The following ANKFN1 variants were observed in gnomAD, a reference collection of about 807,000 sequenced individuals.
ANKFN1 encodes ankyrin repeat and fibronectin type-III domain-containing protein 1.
A neutral mutation model predicts 108.7 loss-of-function variants in ANKFN1; 74 were observed. That is an observed-to-expected ratio of 0.68 (90% CI 0.56 to 0.83). The LOEUF is 0.83. Ranked by LOEUF, ANKFN1 falls within the 40% of genes least tolerant of loss-of-function variation. The probability of loss-of-function intolerance (pLI) is 0.00; values close to 1 mark genes in which losing one functional copy is unlikely to be tolerated. For synonymous variants in ANKFN1, 547 were observed against 516.2 expected (o/e 1.06, Z -0.81); for missense variants, 1,505 against 1,382.3 (o/e 1.09, Z -1.41).
At chr17:56,502,181 CCTGT>C (rs937034665) in intron 20 of ANKFN1, among the ~76,000 whole-genome samples, 7 of 152,174 alleles carry the variant, frequency 4.6e-5, no homozygotes, top group African/African-American at 1.7e-4. Flanking sequence ...CTTCGCAGCC[CCTGT>C]CTGCCCTCTC....
At chr17:56,348,290 T>C (rs886205738) in intron 4 of ANKFN1, among the ~76,000 whole-genome samples, 3 of 152,276 alleles carry the variant, frequency 2.0e-5, no homozygotes, top group African/African-American at 7.2e-5. Flanking sequence ...CTTGGCATCA[T>C]CCTTCCAAAT....
At chr17:56,467,999 G>C (rs1289958637) in intron 15 of ANKFN1, among the ~76,000 whole-genome samples, 1 of 152,140 alleles carries the variant, frequency 6.6e-6, no homozygotes, top group Non-Finnish European at 1.5e-5. Flanking sequence ...AGGGACCCTA[G>C]CAGCTTTGCT....
At chr17:56,146,754 A>G (rs1053241335) in intron 4 of ANKFN1, among the ~76,000 whole-genome samples, 5 of 152,176 alleles carry the variant, frequency 3.3e-5, no homozygotes, top group African/African-American at 1.2e-4. Flanking sequence ...CTGGCCTCCA[A>G]GGCTGTGATA....
intron 18 of ANKFN1, among the ~76,000 whole-genome samples, chr17:56,487,648 G>C (rs1433555163): frequency 2.0e-5 from 3 of 152,084 alleles, no homozygotes; most frequent in Non-Finnish European, 4.4e-5. Context: ...CATTAATAAG[G>C]CACCATCTGC....
At chr17:56,476,805 A>AAT (rs2050515741) in intron 15 of ANKFN1, among the ~76,000 whole-genome samples, 1 of 152,228 alleles carries the variant, frequency 6.6e-6, no homozygotes, top group African/African-American at 2.4e-5. Flanking sequence ...GTAAAAGTCA[A>AAT]ATATAAGTAG....
intron 1 of ANKFN1, among the ~76,000 whole-genome samples, chr17:56,170,843 C>CACACACACACACAT (rs1555604591): frequency 1.5e-5 from 2 of 133,888 alleles, no homozygotes; most frequent in Non-Finnish European, 3.1e-5. Flanking sequence ...CATATACACA[C>CACACACACACACAT]ATATATATAT....
At chr17:56,448,372 T>C (rs186779520) in intron 10 of ANKFN1, among the ~76,000 whole-genome samples, 59 of 152,236 alleles carry the variant, frequency 3.9e-4, no homozygotes, top group African/African-American at 1.3e-3. Flanking sequence ...TCATTATAGC[T>C]AAACGGAATG....
rs534092019 is a variant in ANKFN1, at chr17:56,102,574, A to G, written c.288+56249A>G. Among the ~76,000 whole-genome samples the G allele has an allele frequency of 1.2e-4, 19 of 152,136 alleles. No homozygotes were observed. The South Asian group carries it at 3.7e-3, about 30-fold the overall frequency. On this transcript the variant is annotated intron_variant, in intron 4 of 12. Transcript: ENST00000635860. ...ATGAAGCAGTGGCTCTCAAACAGGG[A>G]CAAGCATTAGAATCCACTGGGGGAG...
chr17:56,456,731 C>A, intron 11 of ANKFN1, 130 bp from the exon 12 acceptor site: 1 of 728,790 alleles, frequency 1.4e-6, no homozygotes, highest in Non-Finnish European at 2.4e-6. Context: ...GAGCAGAATC[C>A]CTACATGAAC....
intron 14 of ANKFN1, among the ~76,000 whole-genome samples, chr17:56,461,126 C>T (rs1417298692): frequency 6.6e-6 from 1 of 152,178 alleles, no homozygotes; most frequent in Non-Finnish European, 1.5e-5. Context: ...TTCTCGCAAA[C>T]TTTCTAAAGA....
chr17:56,296,409 C>T (rs1437022645), intron 3 of ANKFN1, among the ~76,000 whole-genome samples: 1 of 152,062 alleles, frequency 6.6e-6, no homozygotes, highest in Non-Finnish European at 1.5e-5. Flanking sequence ...GTGGGTCAGG[C>T]GAGGTGGCTC....
At chr17:56,361,616 C>G (rs1266784397) in intron 6 of ANKFN1, among the ~76,000 whole-genome samples, 2 of 151,912 alleles carry the variant, frequency 1.3e-5, no homozygotes, top group Non-Finnish European at 2.9e-5. Context: ...GTAATAATTA[C>G]CCCCAAACAG....
chr17:56,193,257 AG>A (rs1385082176), intron 1 of ANKFN1, among the ~76,000 whole-genome samples: 3 of 93,986 alleles, frequency 3.2e-5, no homozygotes, highest in Non-Finnish European at 6.3e-5. Flanking sequence ...TGTGGTGGGG[AG>A]GGGGGAGGGG....
In ANKFN1 at chr17:56,510,749, C is replaced by T. The variant is rs1239885642; in HGVS notation, c.2921C>T (p.Thr974Ile). Residue 974 changes from threonine (T) to isoleucine (I), a missense_variant, in exon 21 of 21, where the codon ACC becomes ATC. Thr to Ile is a moderately conservative substitution (Grantham distance 89, BLOSUM62 -1). Coordinates refer to ENST00000682825, the MANE Select transcript of ANKFN1 (RefSeq NM_001370326.1). ...TGTGCCGAGTTTCTCCATAGCCTGA[C>T]CCTCACGGGGTTCACACCCAAGAAC... The part of the protein sequence containing the change: ...HSCAEFLHSL[T>I]LTGFTPKNHA... 2.0e-6 allele frequency: 3 copies of T among 1,536,160 alleles called. No homozygotes were observed. Among genetic ancestry groups the T allele is most frequent in the East Asian group, 2.4e-5 (1 of 40,894 alleles).
At chr17:56,263,285 A>G (rs1489176264) in intron 3 of ANKFN1, among the ~76,000 whole-genome samples, 1 of 152,234 alleles carries the variant, frequency 6.6e-6, no homozygotes, top group East Asian at 1.9e-4. Flanking sequence ...ATTAGGGAGC[A>G]GGCTAATTAT....
Position 56,511,114 on chromosome 17 carries a change from GC to G in ANKFN1, c.3287del (p.Ala1096GlufsTer15). Reference sequence around the variant, plus strand: ...CCGCCGCCTCTACGTGGAGCCCTACGCAGCGGCCGTGGTGGCCCAGGACGAA... The same window carrying G: ...CCGCCGCCTCTACGTGGAGCCCTACGAGCGGCCGTGGTGGCCCAGGACGAA... ...SVRRLYVEPY[A>X]AAVVAQDEKP... is the part of the protein sequence containing the mutation. On this transcript the variant is annotated frameshift_variant, in exon 21 of 21. Coordinates refer to ENST00000682825, the MANE Select transcript of ANKFN1 (RefSeq NM_001370326.1). LOFTEE classifies it low-confidence loss of function (END_TRUNC). The G allele has an allele frequency of 6.5e-7, 1 of 1,535,990 alleles. No individual in the cohort carries two copies. The highest frequency in any genetic ancestry group is 1.2e-5 in the South Asian group (1 of 84,056).
At chr17:56,506,169 C>T (rs1435848523) in intron 20 of ANKFN1, among the ~76,000 whole-genome samples, 4 of 151,136 alleles carry the variant, frequency 2.6e-5, no homozygotes, top group East Asian at 1.9e-4. Flanking sequence ...CCCATTAACT[C>T]GTCATTTATA....
rs2145375572 is a variant in ANKFN1 at position 56,482,354 on chromosome 17, A to C, written c.2092-2A>C. On this transcript the variant is annotated splice_acceptor_variant, in intron 17 of 20. Coordinates refer to ENST00000682825, the MANE Select transcript of ANKFN1 (RefSeq NM_001370326.1). LOFTEE classifies it high-confidence loss of function. ...TTTTCCTCCGCGCGTGTCCCTCTGC[A>C]GGCAAGGAACTTCCGCCTCTACACA... 6.3e-7 allele frequency: 1 copy of C among 1,593,952 alleles called. No individual in the cohort carries two copies. The highest frequency in any genetic ancestry group is 8.6e-7 in the Non-Finnish European group (1 of 1,168,812).
intron 1 of ANKFN1, among the ~76,000 whole-genome samples, chr17:56,202,239 C>T (rs1914128761): frequency 6.6e-6 from 1 of 152,186 alleles, no homozygotes; most frequent in Non-Finnish European, 1.5e-5. Flanking sequence ...AATAGTATCA[C>T]ATCCAAGAGT....
Sources: allele counts gnomAD v4.1 joint callset (sites outside exome capture counted in the v4.1 genomes callset), GRCh38; gene constraint gnomAD v4.1.1; transcripts MANE v1.5; gene names NCBI Gene and HGNC (gene_info 2026-07-23, HGNC 2026-07-21).